The following ANK3 variants were observed in gnomAD, a reference collection of about 807,000 sequenced individuals.
ANK3 encodes the protein ankyrin 3.
In ANK3, 57 loss-of-function variants were observed where a neutral mutation model predicts 370.9. The observed-to-expected ratio is 0.15, with a 90% CI of 0.12 to 0.19. The LOEUF is 0.19. ANK3 is among the 10% of genes least tolerant of loss of function. ANK3 has a pLI of 1.00. For missense variants in ANK3, 4,439 were observed against 5,302.1 expected, an observed-to-expected ratio of 0.84 and a Z score of 5.06; for synonymous variants, 1,929 against 1,946.3, an observed-to-expected ratio of 0.99 and a Z score of 0.23.
chr10:60,698,140 A>C (rs531186476), intron 1 of ANK3, among the ~76,000 whole-genome samples: 6,508 of 148,874 alleles, frequency 0.044, 225 homozygotes, highest in African/African-American at 0.08. Flanking sequence ...AGCCAAAAAA[A>C]ACATGAAAAA....
intron 2 of ANK3, among the ~76,000 whole-genome samples, chr10:60,534,618 C>T (rs575557692): frequency 1.3e-5 from 2 of 152,170 alleles, no homozygotes; most frequent in African/African-American, 4.8e-5. Flanking sequence ...AAATTTCCTC[C>T]AGGATATACA....
At chr10:60,551,270 T>TA (rs1264863462) in intron 2 of ANK3, among the ~76,000 whole-genome samples, 1 of 152,114 alleles carries the variant, frequency 6.6e-6, no homozygotes, top group South Asian at 2.1e-4. Context: ...ACAACTGTTT[T>TA]AAAAAATAAG....
At chr10:60,331,740 C>T (rs983714554) in intron 1 of ANK3, among the ~76,000 whole-genome samples, 1 of 152,012 alleles carries the variant, frequency 6.6e-6, no homozygotes, top group Non-Finnish European at 1.5e-5. Context: ...ATTTGCTAAT[C>T]AATAAAACAA....
chr10:60,329,988 T>C (rs1441586698), intron 1 of ANK3, among the ~76,000 whole-genome samples: 2 of 152,146 alleles, frequency 1.3e-5, no homozygotes, highest in African/African-American at 2.4e-5. Context: ...GCCACACATA[T>C]ACAACCATCT....
intron 10 of ANK3, among the ~76,000 whole-genome samples, chr10:60,206,208 C>T (rs1164981147): frequency 6.6e-6 from 1 of 152,104 alleles, no homozygotes; most frequent in Non-Finnish European, 1.5e-5. Context: ...TGTGGTGGCT[C>T]ACATGTGTAA....
At chr10:60,544,364 G>T (rs1315606897) in intron 2 of ANK3, among the ~76,000 whole-genome samples, 1 of 152,058 alleles carries the variant, frequency 6.6e-6, no homozygotes, top group Non-Finnish European at 1.5e-5. Flanking sequence ...GTAAAGAAGA[G>T]TAAAGAAAAC....
At chr10:60,472,887 A>G (rs988496952) in intron 2 of ANK3, among the ~76,000 whole-genome samples, 4 of 152,222 alleles carry the variant, frequency 2.6e-5, no homozygotes, top group Admixed American at 6.5e-5. Flanking sequence ...TTCATTGCCT[A>G]TGACAGCATC....
intron 2 of ANK3, among the ~76,000 whole-genome samples, chr10:60,397,908 A>T (rs1594951174): frequency 1.3e-5 from 2 of 152,286 alleles, no homozygotes; most frequent in South Asian, 2.1e-4. Flanking sequence ...AATATCTTTT[A>T]AAAAGGGGCT....
chr10:60,204,790 A>G (rs1055358838), intron 11 of ANK3, among the ~76,000 whole-genome samples: 1 of 152,102 alleles, frequency 6.6e-6, no homozygotes, highest in Non-Finnish European at 1.5e-5. Context: ...AGAGAGCTGG[A>G]TAAGGGCTTT....
intron 7 of ANK3, among the ~76,000 whole-genome samples, chr10:60,237,066 G>A (rs958039812): frequency 6.6e-6 from 1 of 152,226 alleles, no homozygotes; most frequent in Non-Finnish European, 1.5e-5. Flanking sequence ...CACAGCTTTC[G>A]ACTGTGTATA....
intron 7 of ANK3, among the ~76,000 whole-genome samples, chr10:60,241,661 TTTAAC>T (rs1309525787): frequency 2.0e-5 from 3 of 152,202 alleles, no homozygotes; most frequent in Non-Finnish European, 2.9e-5. Context: ...TAGCATCTTA[TTTAAC>T]TTAACTTTCC....
chr10:60,034,082 TTTTTTTTTTTGTTTTGTTTTTTGG>T (rs2074348331), intron 43 of ANK3, among the ~76,000 whole-genome samples: 1 of 119,378 alleles, frequency 8.4e-6, no homozygotes, highest in African/African-American at 3.5e-5. Flanking sequence ...TCTGTTTTTG[TTTTTTTTTTTGTTTTGTTTTTTGG>T]TTTTTTTTTT....
chr10:60,091,772 C>G (rs980070822), intron 28 of ANK3, among the ~76,000 whole-genome samples: 5 of 151,242 alleles, frequency 3.3e-5, no homozygotes, highest in Non-Finnish European at 7.4e-5. Flanking sequence ...CGCTCTATCG[C>G]TAGGCTGGAG....
At chr10:60,381,216 T>A (rs537573964) in intron 1 of ANK3, among the ~76,000 whole-genome samples, 3 of 146,718 alleles carry the variant, frequency 2.0e-5, no homozygotes, top group Admixed American at 1.4e-4. Context: ...CCAAGCAGTC[T>A]TTTTTTTTCC....
intron 30 of ANK3, among the ~76,000 whole-genome samples, chr10:60,085,610 CTTT>C (rs10601268): frequency 0.011 from 1,217 of 109,892 alleles, 7 homozygotes; most frequent in African/African-American, 0.039. Flanking sequence ...GTCTCTTACT[CTTT>C]TTTTTTTTTT....
intron 1 of ANK3, among the ~76,000 whole-genome samples, chr10:60,306,286 T>C (rs1416988637): frequency 6.6e-6 from 1 of 152,120 alleles, no homozygotes; most frequent in Admixed American, 6.5e-5. Context: ...AGCTCTCACT[T>C]ATAAGTGAGA....
chr10:60,435,870 C>A (rs546012149), intron 2 of ANK3, among the ~76,000 whole-genome samples: 1 of 152,198 alleles, frequency 6.6e-6, no homozygotes, highest in African/African-American at 2.4e-5. Context: ...GAGGCCGAGG[C>A]GGGCGGATCA....
chr10:60,255,836 A>T (rs1173675997), intron 7 of ANK3, among the ~76,000 whole-genome samples: 1 of 152,240 alleles, frequency 6.6e-6, no homozygotes, highest in Non-Finnish European at 1.5e-5. Flanking sequence ...TCCCCAGGTT[A>T]GTGGCTACTG....
At chr10:60,652,359 A>G (rs2078800488) in intron 1 of ANK3, among the ~76,000 whole-genome samples, 1 of 152,132 alleles carries the variant, frequency 6.6e-6, no homozygotes, top group African/African-American at 2.4e-5. Flanking sequence ...CCATGATTGC[A>G]CCACTGCACT....
Sources: gnomAD v4.1 joint callset for allele counts (sites outside exome capture counted in the v4.1 genomes callset) on GRCh38, gnomAD v4.1.1 for gene constraint, MANE v1.5 for transcripts, NCBI Gene and HGNC (gene_info 2026-07-23, HGNC 2026-07-21) for gene names.